The following LRRK1 variants were observed in gnomAD, a reference collection of about 807,000 sequenced individuals.
LRRK1 encodes leucine rich repeat kinase 1.
Under a neutral mutation model 209.1 loss-of-function variants are expected in LRRK1, and 113 were observed. The observed-to-expected ratio is 0.54, with a 90% confidence interval of 0.46 to 0.63. LRRK1 has a LOEUF of 0.63. LRRK1 is among the 30% of genes least tolerant of loss of function. The pLI is 0.00. For synonymous variants in LRRK1, 1,144 were observed against 1,099.7 expected (o/e 1.04, Z -0.80); for missense variants, 2,284 against 2,632.2 (o/e 0.87, Z 2.89).
intron 12 of LRRK1, among the ~76,000 whole-genome samples, chr15:101,019,465 C>T (rs2033682259): frequency 6.6e-6 from 1 of 152,184 alleles, no homozygotes; most frequent in Non-Finnish European, 1.5e-5. Context: ...ACCTTTATTT[C>T]CGCAGGAGCC....
chr15:100,951,964 A>ATAAT (rs1555460103), intron 2 of LRRK1, among the ~76,000 whole-genome samples: 6,096 of 146,466 alleles, frequency 0.042, 176 homozygotes, highest in Middle Eastern at 0.067. Flanking sequence ...AGAAAAAAAA[A>ATAAT]AATAATAATA....
chr15:101,040,545 C>A (rs1030716512), intron 20 of LRRK1, among the ~76,000 whole-genome samples: 1 of 151,986 alleles, frequency 6.6e-6, no homozygotes. Context: ...TTATTGTCTT[C>A]CTTCAGCTAA....
In LRRK1 at chr15:101,019,392, GC is replaced by G. The variant is rs1162329279; in HGVS notation, c.1610-1660del. Among the ~76,000 whole-genome samples the G allele has an allele frequency of 2.0e-5, 3 of 152,180 alleles. No individual in the cohort carries two copies. The East Asian group carries it at 5.8e-4, about 29-fold the overall frequency. ...TTTTCATTGAAGGAAAAAAAAGGAA[GC>G]TTTTTGAACATTTCCTTACCTAGCA... On this transcript the variant is annotated intron_variant, in intron 12 of 33. Transcript: ENST00000388948.
intron 29 of LRRK1, among the ~76,000 whole-genome samples, chr15:101,059,949 C>T (rs1257687062): frequency 1.3e-5 from 2 of 152,160 alleles, no homozygotes; most frequent in African/African-American, 2.4e-5. Flanking sequence ...TCCTGGGAGG[C>T]TGGGCCGGGC....
intron 13 of LRRK1, 67 bp from the exon 14 acceptor site, chr15:101,021,766 ACGTGTGTGCGTG>A: frequency 5.2e-6 from 5 of 961,290 alleles, no homozygotes; most frequent in South Asian, 1.5e-5. Flanking sequence ...GACAGGAGCC[ACGTGTGTGCGTG>A]TGTGTGTGTG....
At position 101,077,203 on chromosome 15, in the gene LRRK1, C is replaced by T. The variant is rs909205941; in HGVS notation, c.*8355C>T. The T allele has an allele frequency of 1.1e-4, 17 of 152,222 alleles. No individual in the cohort carries two copies. In the South Asian group the frequency reaches 1.9e-3, roughly 17 times the overall value. The allele number at this position is 152,222 out of a possible 1,614,324, so 9.4% of individuals were successfully genotyped here. On this transcript the variant is annotated 3_prime_UTR_variant, in exon 34 of 34. Coordinates refer to ENST00000388948, the MANE Select transcript of LRRK1 (RefSeq NM_024652.6). Reference sequence around the variant, plus strand: ...CAGCCCATTTGAGCTCCTGTATAGACGCTCCTTTTTATTAGGCCCCAGTCT... The same window carrying T: ...CAGCCCATTTGAGCTCCTGTATAGATGCTCCTTTTTATTAGGCCCCAGTCT...
intron 2 of LRRK1, among the ~76,000 whole-genome samples, chr15:100,965,832 T>G (rs2030416369): frequency 6.6e-6 from 1 of 152,192 alleles, no homozygotes; most frequent in South Asian, 2.1e-4. Context: ...TTCATCACCA[T>G]ATATGAAAAT....
At position 101,077,895 on chromosome 15, in the gene LRRK1, T is replaced by C. The variant is rs987066312; in HGVS notation, c.*9047T>C. ...GCATCCCCTGTGACCTGCACGCATA[T>C]ATAAGCCCAGATGGCCTGAAGTAAC... On this transcript the variant is annotated 3_prime_UTR_variant, in exon 34 of 34. Transcript: ENST00000388948. The C allele has an allele frequency of 6.6e-6, 1 of 151,422 alleles. No homozygotes were observed. The highest frequency in any genetic ancestry group is 1.5e-5 in the Non-Finnish European group (1 of 67,522). The allele number at this position is 151,422 out of a possible 1,614,324, so 9.4% of individuals were successfully genotyped here.
intron 20 of LRRK1, among the ~76,000 whole-genome samples, chr15:101,029,754 G>A (rs2034202319): frequency 6.6e-6 from 1 of 152,092 alleles, no homozygotes. Context: ...TGTAATCCCA[G>A]CTACTTGGGA....
At chr15:100,962,800 T>TATATAGATATATATATATATATATAC (rs1422041164) in intron 2 of LRRK1, among the ~76,000 whole-genome samples, 1 of 17,280 alleles carries the variant, frequency 5.8e-5, no homozygotes, top group Non-Finnish European at 1.6e-4. Context: ...TTTGCATATA[T>TATATAGATATATATATATATATATAC]ATATATATAT....
intron 4 of LRRK1, among the ~76,000 whole-genome samples, chr15:100,988,224 T>C (rs12914226): frequency 0.24 from 36,220 of 152,064 alleles, 4,677 homozygotes; most frequent in African/African-American, 0.33. Context: ...CGGGGTTCGG[T>C]ATGCAGATTA....
chr15:100,947,640 C>T (rs1052211292), intron 2 of LRRK1, among the ~76,000 whole-genome samples: 6 of 152,100 alleles, frequency 3.9e-5, no homozygotes, highest in Non-Finnish European at 7.4e-5. Flanking sequence ...ATAGTTGCTA[C>T]GTGGGCAGAA....
At position 101,051,024 on chromosome 15, in the gene LRRK1, C is replaced by T. The variant is rs572319648; in HGVS notation, c.3440-687C>T. ...GCTCTGGTGAGCACCTGAGACAGAT[C>T]GCCTGGAGCCAGCATCCCCAGCCAG... On this transcript the variant is annotated intron_variant, in intron 23 of 33. Coordinates refer to ENST00000388948, the MANE Select transcript of LRRK1 (RefSeq NM_024652.6). 3.3e-5 allele frequency among the ~76,000 whole-genome samples: 5 copies of T among 152,310 alleles called. No homozygotes were observed. In the South Asian group the frequency reaches 8.3e-4, roughly 25 times the overall value.
intron 1 of LRRK1, among the ~76,000 whole-genome samples, chr15:100,923,340 T>C (rs1308521952): frequency 6.6e-6 from 1 of 152,234 alleles, no homozygotes; most frequent in East Asian, 1.9e-4. Context: ...ACGTCCACGC[T>C]ATGCTTTTGC....
intron 2 of LRRK1, among the ~76,000 whole-genome samples, chr15:100,928,716 A>T (rs2042156999): frequency 6.6e-6 from 1 of 152,098 alleles, no homozygotes; most frequent in Non-Finnish European, 1.5e-5. Context: ...TGTACTAGGC[A>T]CGCCTTTTCA....
chr15:101,043,637 A>G (rs892879405), intron 20 of LRRK1: 1 of 143,762 alleles, frequency 7.0e-6, no homozygotes, highest in Non-Finnish European at 1.5e-5. Flanking sequence ...TGTTGGCCTG[A>G]ACAAGACCAT....
intron 2 of LRRK1, among the ~76,000 whole-genome samples, chr15:100,941,130 GTC>G (rs1472274409): frequency 6.6e-6 from 1 of 151,858 alleles, no homozygotes; most frequent in African/African-American, 2.4e-5. Context: ...GTCTGTGTGT[GTC>G]TCTTTGTATG....
In LRRK1 at chr15:101,052,112, C is replaced by T. The variant is rs563471866; in HGVS notation, c.3689+152C>T. 86 of 918,438 alleles carry T rather than the reference C, an allele frequency of 9.4e-5. No homozygotes were observed. In the Admixed American group the frequency reaches 2.5e-3, roughly 26 times the overall value. The allele number at this position is 918,438 out of a possible 1,614,324, so 56.9% of individuals were successfully genotyped here. ...ACCAATCTCAGTACCTTTTAGGTTC[C>T]CATCCTCGGCTGCCTGAAAGGAACC... On this transcript the variant is annotated intron_variant, in intron 24 of 33. Coordinates refer to ENST00000388948, the MANE Select transcript of LRRK1 (RefSeq NM_024652.6).
intron 6 of LRRK1, chr15:100,989,640 C>A: frequency 3.4e-6 from 2 of 580,998 alleles, no homozygotes; most frequent in Non-Finnish European, 6.1e-6. Context: ...AACCCACCCT[C>A]AAAATAACAA....
Sources: gnomAD v4.1 joint callset for allele counts (sites outside exome capture counted in the v4.1 genomes callset) on GRCh38, gnomAD v4.1.1 for gene constraint, MANE v1.5 for transcripts, NCBI Gene and HGNC (gene_info 2026-07-23, HGNC 2026-07-21) for gene names.